The following PCNT variants were observed in gnomAD, a reference collection of about 807,000 sequenced individuals.
The protein encoded by PCNT is pericentrin.
PCNT carries 319 observed loss-of-function variants against 380.4 expected under a neutral mutation model. That is an observed-to-expected ratio of 0.84 (90% confidence interval 0.77 to 0.92). PCNT has a LOEUF of 0.92. Ranked by LOEUF, PCNT falls within the 40% of genes least tolerant of loss-of-function variation. The probability of loss-of-function intolerance (pLI) is 0.00; values close to 1 mark genes in which losing one functional copy is unlikely to be tolerated. For missense variants in PCNT, 4,400 were observed against 4,255.3 expected (o/e 1.03, Z -0.95); for synonymous variants, 1,845 against 1,735.2 (o/e 1.06, Z -1.57).
rs1601202199 is a variant in PCNT at position 46,436,263 on chromosome 21, A to C, written c.8996+115A>C. 5.0e-6 allele frequency: 6 copies of C among 1,189,874 alleles called. No individual in the cohort carries two copies. In the Admixed American group the frequency reaches 9.7e-5, roughly 19 times the overall value. 73.7% of individuals were successfully genotyped at this position (1,189,874 alleles called of 1,614,324 possible). On this transcript the variant is annotated intron_variant, in intron 39 of 46. Transcript: ENST00000359568. ...TGAGGCCCCTGCTCCTTTGCACTTAACGCTCTAGTCCTCTTTCTGAGACTT... is the reference window on the plus strand; with the variant it reads ...TGAGGCCCCTGCTCCTTTGCACTTACCGCTCTAGTCCTCTTTCTGAGACTT...
rs1291458142 is a variant in PCNT at position 46,421,949 on chromosome 21, CTGACCCTG to C, written c.7025-18_7025-11del. 6.2e-7 allele frequency: 1 copy of C among 1,613,350 alleles called. No individual in the cohort carries two copies. Among genetic ancestry groups the C allele is most frequent in the Non-Finnish European group, 8.5e-7 (1 of 1,179,486 alleles). ...CCCCTGGAGAGCTGTGGGTGGGACC[CTGACCCTG>C]TGGTGTTTTTAGGTGACGGCTCGGG... On this transcript the variant is annotated splice_polypyrimidine_tract_variant and intron_variant, in intron 31 of 46. Transcript: ENST00000359568.
chr21:46,411,053 G>T, intron 27 of PCNT, 136 bp from the exon 28 acceptor site: 1 of 921,404 alleles, frequency 1.1e-6, no homozygotes, highest in Admixed American at 1.9e-5. Flanking sequence ...CCAGCAGTTT[G>T]CTTCTATGGC....
In PCNT at chr21:46,422,144, C is replaced by A; in HGVS notation, c.7179+20C>A. 1.2e-6 allele frequency: 2 copies of A among 1,612,520 alleles called. No individual in the cohort carries two copies. The highest frequency in any genetic ancestry group is 1.7e-6 in the Non-Finnish European group (2 of 1,179,844). ...GTGAAGGTATGGCTGGCAGGGGCGG[C>A]CCTCACAGCTTCACATGTGCAGCCT... On this transcript the variant is annotated intron_variant, in intron 32 of 46. Coordinates refer to ENST00000359568, the MANE Select transcript of PCNT (RefSeq NM_006031.6).
intron 39 of PCNT, among the ~76,000 whole-genome samples, chr21:46,436,650 G>A (rs1342759848): frequency 1.3e-5 from 2 of 152,162 alleles, no homozygotes; most frequent in African/African-American, 4.8e-5. Flanking sequence ...AATGTATAGA[G>A]CAGCATGATT....
intron 35 of PCNT, among the ~76,000 whole-genome samples, chr21:46,429,286 T>C (rs4312581): frequency 0.028 from 1,899 of 68,172 alleles, 32 homozygotes; most frequent in African/African-American, 0.1. Context: ...GTCAGGGGCA[T>C]GGGCGGGGGG....
rs777611896 is a variant in PCNT, at chr21:46,334,477, G to A, written c.348G>A (p.Gln116=). Residue 116 remains glutamine, a synonymous_variant, in exon 3 of 47, where the codon CAG becomes CAA. Coordinates refer to ENST00000359568, the MANE Select transcript of PCNT (RefSeq NM_006031.6). The part of the protein sequence containing the change: ...QKQVNDHPPE[Q]CGMFTVSDHP... ...AAGTCAATGACCATCCTCCAGAGCA[G>A]TGTGGGATGTTCACAGTCAGTGACC... 1.9e-6 allele frequency: 3 copies of A among 1,614,112 alleles called. No individual in the cohort carries two copies. The highest frequency in any genetic ancestry group is 2.5e-6 in the Non-Finnish European group (3 of 1,180,040).
At chr21:46,419,671 G>A (rs2087166725) in intron 31 of PCNT, among the ~76,000 whole-genome samples, 1 of 152,206 alleles carries the variant, frequency 6.6e-6, no homozygotes, top group Admixed American at 6.5e-5. Context: ...TGTCATCCAA[G>A]CCTTCCAAGC....
chr21:46,349,578 T>TGGGGCTCTGGGTGGC (rs2084194151), intron 7 of PCNT, 106 bp from the exon 8 acceptor site: 1 of 1,251,788 alleles, frequency 8.0e-7, no homozygotes, highest in Non-Finnish European at 1.2e-6. Flanking sequence ...GCGCCCAGGA[T>TGGGGCTCTGGGTGGC]GGGGCTCTGG....
rs558658457 is a variant in PCNT at position 46,326,735 on chromosome 21, CG to C, written c.267+149del. The C allele has an allele frequency of 2.9e-3, 2,672 of 932,134 alleles. 17 individuals carry two copies. The highest frequency in any genetic ancestry group is 3.1e-3 in the Non-Finnish European group (1,868 of 602,558). The allele number at this position is 932,134 out of a possible 1,614,324, so 57.7% of individuals were successfully genotyped here. ...ATTTTAGTTTATAAAAAGTGAGGGC[CG>C]GGTGCAGTGGCTTACGCCTGTAATC... On this transcript the variant is annotated intron_variant, in intron 2 of 46. Coordinates refer to ENST00000359568, the MANE Select transcript of PCNT (RefSeq NM_006031.6).
At position 46,432,023 on chromosome 21, in the gene PCNT, A is replaced by G. The variant is rs1044652643; in HGVS notation, c.8559A>G (p.Gln2853=). The change falls in exon 38 of 47, where the codon CAA becomes CAG. Residue 2853 remains glutamine (Q), a synonymous_variant. Transcript: ENST00000359568. ...CGACGGTGGAAGCCCTGCACACCCA[A>G]AAACGAGAGCTGAGATGCTCTCTGG... The part of the protein sequence containing the change: ...LKSTVEALHT[Q]KRELRCSLER... 3 of 1,613,822 alleles carry G rather than the reference A, an allele frequency of 1.9e-6. No homozygotes were observed.
intron 3 of PCNT, among the ~76,000 whole-genome samples, chr21:46,341,761 C>G (rs2083915469): frequency 6.6e-6 from 1 of 152,030 alleles, no homozygotes; most frequent in South Asian, 2.1e-4. Context: ...GCTTACTGCA[C>G]TCTCCACCCC....
At chr21:46,328,470 G>GT (rs1238368533) in intron 2 of PCNT, among the ~76,000 whole-genome samples, 1 of 151,668 alleles carries the variant, frequency 6.6e-6, no homozygotes, top group African/African-American at 2.4e-5. Flanking sequence ...ATGTTTTTTG[G>GT]TTTTTTTTGA....
At chr21:46,387,967 T>G (rs2085897621) in intron 17 of PCNT, among the ~76,000 whole-genome samples, 2 of 151,764 alleles carry the variant, frequency 1.3e-5, no homozygotes, top group South Asian at 4.2e-4. Context: ...TCCCAGCACT[T>G]TGGGAGGCTG....
At chr21:46,351,669 C>A in intron 9 of PCNT, 129 bp downstream of exon 9, 1 of 719,578 alleles carries the variant, frequency 1.4e-6, no homozygotes, top group African/African-American at 1.7e-5. Context: ...GTTTGACATC[C>A]TGAAGGTTGA....
intron 6 of PCNT, among the ~76,000 whole-genome samples, chr21:46,348,740 G>A (rs966009279): frequency 2.0e-5 from 3 of 151,792 alleles, no homozygotes; most frequent in Non-Finnish European, 2.9e-5. Flanking sequence ...TCAGCCTCCC[G>A]AGTAGCTGGG....
At position 46,443,865 on chromosome 21, in the gene PCNT, C is replaced by A. The variant is rs774216090; in HGVS notation, c.9756C>A (p.Thr3252=). Residue 3252 remains threonine, a synonymous_variant, in exon 45 of 47, where the codon ACC becomes ACA. Transcript: ENST00000359568. ...SPPRTRESPP[T]RDVPSGHTRD... is the part of the protein sequence containing the mutation. The stretch of plus-strand genomic sequence containing the variant: ...CCAGAACCAGAGAGTCCCCCCCAAC[C>A]CGGGATGTACCCTCTGGCCACACCA... 6.2e-7 allele frequency: 1 copy of A among 1,613,328 alleles called. No individual in the cohort carries two copies. Among genetic ancestry groups the A allele is most frequent in the East Asian group, 2.2e-5 (1 of 44,878 alleles).
chr21:46,411,262 G>T lies in PCNT; in HGVS notation c.5189G>T (p.Arg1730Leu), dbSNP rs780082128. The change falls in exon 28 of 47, where the codon CGA becomes CTA. Residue 1730 changes from arginine (R) to leucine (L), a missense_variant. Arg to Leu is a moderately radical substitution (Grantham distance 102). Coordinates refer to ENST00000359568, the MANE Select transcript of PCNT (RefSeq NM_006031.6). ...GAAAATCTGCAAGAGAATCAGAAAC[G>T]ATTACAAAAGGAGAAAGCAGAGGAA... ...TIENLQENQK[R>L]LQKEKAEEIE... is the part of the protein sequence containing the mutation. The T allele has an allele frequency of 1.2e-6, 2 of 1,614,134 alleles. No homozygotes were observed. Among genetic ancestry groups the T allele is most frequent in the Non-Finnish European group, 8.5e-7 (1 of 1,180,022 alleles).
intron 15 of PCNT, among the ~76,000 whole-genome samples, chr21:46,372,064 G>A (rs888624731): frequency 7.1e-6 from 1 of 140,626 alleles, no homozygotes; most frequent in African/African-American, 2.7e-5. Flanking sequence ...CCCATACAAG[G>A]CACATGCACA....
At chr21:46,379,304 G>A (rs934290926) in intron 15 of PCNT, among the ~76,000 whole-genome samples, 3 of 151,526 alleles carry the variant, frequency 2.0e-5, no homozygotes, top group African/African-American at 7.3e-5. Context: ...CCCGGGCCGC[G>A]TGTCGTGAGC....
Sources: gnomAD v4.1 joint callset for allele counts (sites outside exome capture counted in the v4.1 genomes callset) on GRCh38, gnomAD v4.1.1 for gene constraint, MANE v1.5 for transcripts, NCBI Gene and HGNC (gene_info 2026-07-23, HGNC 2026-07-21) for gene names.